EFEMP1: variants seen among roughly 807,000 people sequenced by gnomAD.
EFEMP1 encodes the protein EGF-like fibulin extracellular matrix protein 1, also known as EGF-containing fibulin-like extracellular matrix protein 1.
EFEMP1 carries 18 observed loss-of-function variants against 65.7 expected under a neutral mutation model. That is an observed-to-expected ratio of 0.27 (90% confidence interval 0.19 to 0.41). The LOEUF is 0.41. Ranked by LOEUF, EFEMP1 falls within the 10% of genes least tolerant of loss-of-function variation. The probability of loss-of-function intolerance (pLI) is 1.00; values close to 1 mark genes in which losing one functional copy is unlikely to be tolerated. For synonymous variants in EFEMP1, 237 were observed against 219.7 expected (o/e 1.08, Z -0.70); for missense variants, 469 against 624.8 (o/e 0.75, Z 2.66).
Position 55,883,535 on chromosome 2 carries a change from C to T in EFEMP1, c.518-1801G>A, listed in dbSNP as rs17047297. Among the ~76,000 whole-genome samples, 10 of 152,138 alleles carry T rather than the reference C, an allele frequency of 6.6e-5. No homozygotes were observed. The highest frequency in any genetic ancestry group is 1.3e-4 in the Admixed American group (2 of 15,274). On this transcript the variant is annotated intron_variant, in intron 5 of 11. Coordinates refer to ENST00000355426, the MANE Select transcript of EFEMP1 (RefSeq NM_001039348.3). This position sits in a 1 kb window ranked among gnomAD's most constrained non-coding sequence, Gnocchi z 4.5. ...GCAGTGATAACAGTCCTGAGAGATACGGCAATGTTAGATTCAGATGTGGCA... is the reference window on the plus strand; with the variant it reads ...GCAGTGATAACAGTCCTGAGAGATATGGCAATGTTAGATTCAGATGTGGCA...
In EFEMP1 at chr2:55,866,905, T is replaced by C. The variant is rs1802574; in HGVS notation, c.*168A>G. 5,232 of 831,770 alleles carry C rather than the reference T, an allele frequency of 6.3e-3. 23 individuals carry two copies. The highest frequency in any genetic ancestry group is 0.017 in the Middle Eastern group (46 of 2,728). The allele number at this position is 831,770 out of a possible 1,614,324, so 51.5% of individuals were successfully genotyped here. A position where few individuals can be genotyped will look rare whatever the true frequency, so the allele number is the denominator to read the frequency against. On this transcript the variant is annotated 3_prime_UTR_variant, in exon 12 of 12. Transcript: ENST00000355426. ...AGTAATAAAGACAAACTTTGAATCTTTACATATTAAATGCCCACTTTATAC... is the reference window on the plus strand; with the variant it reads ...AGTAATAAAGACAAACTTTGAATCTCTACATATTAAATGCCCACTTTATAC...
Position 55,917,884 on chromosome 2 carries a change from C to G in EFEMP1, c.298G>C (p.Gly100Arg). Residue 100 changes from glycine (G) to arginine (R), a missense_variant, in exon 5 of 12, where the codon GGG (glycine) becomes CGG (arginine). This residue lies in a region of EFEMP1 where 399 missense variants were observed against 528.2 expected (regional missense o/e 0.76). Coordinates refer to ENST00000355426, the MANE Select transcript of EFEMP1 (RefSeq NM_001039348.3). The surrounding 1 kb of genome is among the most constrained non-coding windows in gnomAD (Gnocchi z 6.3). ...GCCATGCTGCTGGCAGCTACAACCC[C>G]GGTGGTTGCCCCTGAGGTTCCTTCT... ...PAEGTSGATT[G>R]VVAASSMATS... is the part of the protein sequence containing the mutation. 1 of 1,614,228 alleles carries G rather than the reference C, an allele frequency of 6.2e-7. No homozygotes were observed. The highest frequency in any genetic ancestry group is 8.5e-7 in the Non-Finnish European group (1 of 1,180,050).
chr2:55,885,355 G>C lies in EFEMP1; in HGVS notation c.518-3621C>G, dbSNP rs1202716673. Among the ~76,000 whole-genome samples, 1 of 152,186 alleles carries C rather than the reference G, an allele frequency of 6.6e-6. No homozygotes were observed. Among genetic ancestry groups the C allele is most frequent in the East Asian group, 1.9e-4 (1 of 5,190 alleles). ...TGTGAGGAGCCTGGTGCAGTGCCTG[G>C]TTGAAGAGGATCATGAAATGCTAGA... On this transcript the variant is annotated intron_variant, in intron 5 of 11. Transcript: ENST00000355426. This position sits in a 1 kb window ranked among gnomAD's most constrained non-coding sequence, Gnocchi z 4.3.
In EFEMP1 at chr2:55,919,954, C is replaced by T. The variant is rs72811720; in HGVS notation, c.82-1687G>A. Among the ~76,000 whole-genome samples, 2,627 of 152,268 alleles carry T rather than the reference C, an allele frequency of 0.017. 103 individuals are homozygous for T. In the South Asian group the frequency reaches 0.18, roughly 10 times the overall value. ...GCTGGCCCATGAGTAGGCAAGGCCC[C>T]GCATCTCTACATGCTGCATACAGAC... On this transcript the variant is annotated intron_variant, in intron 3 of 11. Coordinates refer to ENST00000355426, the MANE Select transcript of EFEMP1 (RefSeq NM_001039348.3). This position sits in a 1 kb window ranked among gnomAD's most constrained non-coding sequence, Gnocchi z 4.5.
At chr2:55,913,691 A>T (rs1390378107) in intron 5 of EFEMP1, among the ~76,000 whole-genome samples, 1 of 151,972 alleles carries the variant, frequency 6.6e-6, no homozygotes, top group Non-Finnish European at 1.5e-5. Flanking sequence ...AGTGATTTCT[A>T]ACTCCATCTC....
intron 11 of EFEMP1, among the ~76,000 whole-genome samples, chr2:55,869,372 G>A (rs1668712344): frequency 6.6e-6 from 1 of 152,104 alleles, no homozygotes; most frequent in South Asian, 2.1e-4. Context: ...AATTCATTCA[G>A]TGGAAATTTC....
At position 55,867,443 on chromosome 2, in the gene EFEMP1, CTT is replaced by C. The variant is rs35060930; in HGVS notation, c.1321-211_1321-210del. Among the ~76,000 whole-genome samples, 20 of 143,748 alleles carry C rather than the reference CTT, an allele frequency of 1.4e-4. No homozygotes were observed. Among genetic ancestry groups the C allele is most frequent in the African/African-American group, 3.3e-4 (13 of 39,238 alleles). 94.3% of individuals were successfully genotyped at this position (143,748 alleles called of 152,430 possible). A position where few individuals can be genotyped will look rare whatever the true frequency, so the allele number is the denominator to read the frequency against. On this transcript the variant is annotated intron_variant, in intron 11 of 11. Coordinates refer to ENST00000355426, the MANE Select transcript of EFEMP1 (RefSeq NM_001039348.3). The surrounding 1 kb of genome is among the most constrained non-coding windows in gnomAD (Gnocchi z 4.3). ...ATTAGCTCCAAGTTTCAAGGACTTG[CTT>C]TTTTTTTTTTTTAAATAGTTCTTTG...
chr2:55,885,501 A>G lies in EFEMP1; in HGVS notation c.518-3767T>C, dbSNP rs996552018. On this transcript the variant is annotated intron_variant, in intron 5 of 11. Coordinates refer to ENST00000355426, the MANE Select transcript of EFEMP1 (RefSeq NM_001039348.3). The surrounding 1 kb of genome is among the most constrained non-coding windows in gnomAD (Gnocchi z 4.3). ...AATGTTAACATTACCAAAGAACAAA[A>G]TAATAGATTGTGCTTCCTAAAATAC... 3.3e-5 allele frequency among the ~76,000 whole-genome samples: 5 copies of G among 152,222 alleles called. No individual in the cohort carries two copies. Among genetic ancestry groups the G allele is most frequent in the Admixed American group, 6.5e-5 (1 of 15,280 alleles).
In EFEMP1 at chr2:55,917,832, C is replaced by A; in HGVS notation, c.350G>T (p.Gly117Val). 1 of 1,614,226 alleles carries A rather than the reference C, an allele frequency of 6.2e-7. No homozygotes were observed. The highest frequency in any genetic ancestry group is 8.5e-7 in the Non-Finnish European group (1 of 1,180,038). Residue 117 changes from glycine to valine, a missense_variant, in exon 5 of 12, where the codon GGT becomes GTT. Coordinates refer to ENST00000355426, the MANE Select transcript of EFEMP1 (RefSeq NM_001039348.3). The surrounding 1 kb of genome is among the most constrained non-coding windows in gnomAD (Gnocchi z 6.3). ...GACTGCAGCAGCACTGGCCACAAAA[C>A]CACCCCCGGGCAACACTCCACTGGT... ...MATSGVLPGG[G>V]FVASAAAVAG...
At position 55,875,124 on chromosome 2, in the gene EFEMP1, G is replaced by GGA. The variant is rs1444747045; in HGVS notation, c.881-61_881-60dup. On this transcript the variant is annotated intron_variant, in intron 8 of 11. Transcript: ENST00000355426. ...TGAAAAGTTTGTGCACCACTACTTT[G>GGA]GATATATATATATATATAAATTATA... 5.4e-6 allele frequency: 5 copies of GGA among 925,080 alleles called. No homozygotes were observed. The African/African-American group carries it at 7.8e-5, about 14-fold the overall frequency. The allele number at this position is 925,080 out of a possible 1,614,324, so 57.3% of individuals were successfully genotyped here.
intron 5 of EFEMP1, among the ~76,000 whole-genome samples, chr2:55,888,595 C>A (rs1669517921): frequency 6.6e-6 from 1 of 152,016 alleles, no homozygotes; most frequent in East Asian, 1.9e-4. Flanking sequence ...CCTTGGCCTC[C>A]CAAAGTGCTG....
chr2:55,891,295 G>A (rs149943452), intron 5 of EFEMP1, among the ~76,000 whole-genome samples: 2 of 152,084 alleles, frequency 1.3e-5, no homozygotes, highest in African/African-American at 4.8e-5. Flanking sequence ...AGCAGGAGGT[G>A]GGGGATTTGA....
intron 5 of EFEMP1, among the ~76,000 whole-genome samples, chr2:55,890,168 G>C (rs1173445300): frequency 2.0e-5 from 3 of 151,754 alleles, no homozygotes; most frequent in Non-Finnish European, 4.4e-5. Context: ...AACAAAGTTG[G>C]CTATGCAATA....
At position 55,877,710 on chromosome 2, in the gene EFEMP1, T is replaced by G. The variant is rs772634598; in HGVS notation, c.760+36A>C. Reference sequence around the variant, plus strand: ...CAACATGGCATGGGGTTTCCTTTTGTGAAGACAGAAATCAGCAAGTTCTCA... The same window carrying G: ...CAACATGGCATGGGGTTTCCTTTTGGGAAGACAGAAATCAGCAAGTTCTCA... On this transcript the variant is annotated intron_variant, in intron 7 of 11. Coordinates refer to ENST00000355426, the MANE Select transcript of EFEMP1 (RefSeq NM_001039348.3). This position sits in a 1 kb window ranked among gnomAD's most constrained non-coding sequence, Gnocchi z 4.5. The G allele has an allele frequency of 2.2e-5, 36 of 1,611,914 alleles. No individual in the cohort carries two copies. The highest frequency in any genetic ancestry group is 2.9e-5 in the Non-Finnish European group (34 of 1,178,554).
chr2:55,911,548 A>T (rs1315006955), intron 5 of EFEMP1, among the ~76,000 whole-genome samples: 2 of 151,846 alleles, frequency 1.3e-5, no homozygotes, highest in African/African-American at 4.9e-5. Context: ...GTTATATAAT[A>T]TATTGTTAAA....
intron 5 of EFEMP1, among the ~76,000 whole-genome samples, chr2:55,894,111 G>A (rs1236852199): frequency 3.3e-5 from 5 of 152,054 alleles, no homozygotes; most frequent in African/African-American, 9.7e-5. Context: ...CTACAGAATC[G>A]CTTCATGGCA....
At chr2:55,891,384 C>T (rs1026479463) in intron 5 of EFEMP1, among the ~76,000 whole-genome samples, 1 of 152,104 alleles carries the variant, frequency 6.6e-6, no homozygotes, top group Non-Finnish European at 1.5e-5. Context: ...TGAATCTGAA[C>T]GGTGGGTGTT....
chr2:55,910,122 T>C (rs762979037), intron 5 of EFEMP1, among the ~76,000 whole-genome samples: 1 of 152,216 alleles, frequency 6.6e-6, no homozygotes, highest in Non-Finnish European at 1.5e-5. Context: ...TTTATATACA[T>C]TGATTAGCTG....
chr2:55,902,012 G>A (rs1032875603), intron 5 of EFEMP1, among the ~76,000 whole-genome samples: 1 of 152,198 alleles, frequency 6.6e-6, no homozygotes, highest in Non-Finnish European at 1.5e-5. Flanking sequence ...TAGTATTTGA[G>A]CTAGGGAGTG....
Sources: gnomAD v4.1 joint callset for allele counts (sites outside exome capture counted in the v4.1 genomes callset) on GRCh38, gnomAD v4.1.1 for gene constraint, gnomAD v4.1.1 regional missense constraint, Gnocchi (gnomAD v3.1) non-coding constraint, MANE v1.5 for transcripts, NCBI Gene and HGNC (gene_info 2026-07-23, HGNC 2026-07-21) for gene names.